EARS2: variants seen among roughly 807,000 people sequenced by gnomAD.
The protein encoded by EARS2 is glutamyl-tRNA synthetase 2, mitochondrial, also known as nondiscriminating glutamyl-tRNA synthetase EARS2, mitochondrial.
EARS2 carries 50 observed loss-of-function variants against 54.1 expected under a neutral mutation model. That is an observed-to-expected ratio of 0.92 (90% CI 0.74 to 1.17). The LOEUF (loss-of-function observed/expected upper bound fraction) is 1.17. Ranked by LOEUF, EARS2 falls within the 50% of genes most tolerant of loss-of-function variation. The pLI is 0.00. For missense variants in EARS2, 673 were observed against 675.0 expected (o/e 1.00, Z 0.03); for synonymous variants, 298 against 281.0 (o/e 1.06, Z -0.61).
In EARS2 at chr16:23,524,427, A is replaced by G. The variant is rs935282470; in HGVS notation, c.1516T>C (p.Leu506=). The change falls in exon 9 of 9, where the codon TTG becomes CTG. Residue 506 remains leucine, a synonymous_variant. Coordinates refer to ENST00000449606, the MANE Select transcript of EARS2 (RefSeq NM_001083614.2). The part of the protein sequence containing the change: ...QQGPPVAEMM[L]ALGPKEVRER... ...CGTACTTCCTTTGGTCCCAAGGCCA[A>G]CATCATCTCAGCTACAGGAGGTCCT... The G allele has an allele frequency of 2.5e-6, 4 of 1,614,062 alleles. No homozygotes were observed. The highest frequency in any genetic ancestry group is 3.4e-6 in the Non-Finnish European group (4 of 1,180,022).
chr16:23,535,074 G>A lies in EARS2; in HGVS notation c.772C>T (p.Leu258=). ...SEWLVSTAKH[L]LLYQALGWQP... is the part of the protein sequence containing the mutation. The stretch of plus-strand genomic sequence containing the variant: ...CAGCCCAGGGCCTGGTAGAGGAGCA[G>A]GTGCTTGGCAGTGGAGACGAGCCAC... Residue 258 remains leucine, a synonymous_variant, in exon 4 of 9, where the codon CTG becomes TTG. Coordinates refer to ENST00000449606, the MANE Select transcript of EARS2 (RefSeq NM_001083614.2). The A allele has an allele frequency of 1.2e-6, 2 of 1,604,778 alleles. No individual in the cohort carries two copies. Among genetic ancestry groups the A allele is most frequent in the Non-Finnish European group, 1.7e-6 (2 of 1,176,466 alleles).
rs745418385 is a variant in EARS2 at position 23,542,316 on chromosome 16, C to CTTTTTTTTTTTTTT, written c.485+2184_485+2197dup. Among the ~76,000 whole-genome samples, 100 of 93,676 alleles carry CTTTTTTTTTTTTTT rather than the reference C, an allele frequency of 1.1e-3. 1 individual carries two copies. Among genetic ancestry groups the CTTTTTTTTTTTTTT allele is most frequent in the Non-Finnish European group, 1.5e-3 (75 of 50,982 alleles). 61.5% of individuals were successfully genotyped at this position (93,676 alleles called of 152,430 possible). ...GGCCCTTTGTGGACCTTTCATTTTTCTTTTTTTTTTTTTTTTTTTTTGAGA... is the reference window on the plus strand; with the variant it reads ...GGCCCTTTGTGGACCTTTCATTTTTCTTTTTTTTTTTTTTTTTTTTTTTTTTTTTTTTTTTGAGA... On this transcript the variant is annotated intron_variant, in intron 3 of 8. Coordinates refer to ENST00000449606, the MANE Select transcript of EARS2 (RefSeq NM_001083614.2).
chr16:23,534,088 G>A (rs1352164303), intron 4 of EARS2, among the ~76,000 whole-genome samples: 2 of 151,932 alleles, frequency 1.3e-5, no homozygotes, highest in South Asian at 2.1e-4. Context: ...CCGTAGTGCT[G>A]GGAGCTGCTT....
At chr16:23,549,916 C>T (rs142476431) in intron 2 of EARS2, among the ~76,000 whole-genome samples, 3 of 152,306 alleles carry the variant, frequency 2.0e-5, no homozygotes, top group East Asian at 1.9e-4. Flanking sequence ...CAGGTCACCA[C>T]GGGGCTGGCT....
rs774849802 is a variant in EARS2, at chr16:23,552,197, C to T, written c.247G>A (p.Val83Ile). 28 of 1,614,172 alleles carry T rather than the reference C, an allele frequency of 1.7e-5. No homozygotes were observed. The highest frequency in any genetic ancestry group is 1.1e-4 in the South Asian group (10 of 91,078). ...ATATTCTCCGCTGCCCCAGGCACAA[C>T]GCGAGTCTGATCTGTGTCCTCTAGC... Reference protein sequence around the residue: ...LRLEDTDQTRVVPGAAENIED... With the variant: ...LRLEDTDQTRIVPGAAENIED... The change falls in exon 2 of 9, where the codon GTT (valine) becomes ATT (isoleucine). Residue 83 changes from valine (V) to isoleucine (I), a missense_variant. Coordinates refer to ENST00000449606, the MANE Select transcript of EARS2 (RefSeq NM_001083614.2).
Position 23,541,699 on chromosome 16 carries a change from C to CTTTT in EARS2, c.485+2811_485+2814dup, listed in dbSNP as rs375731589. Among the ~76,000 whole-genome samples, 41 of 42,158 alleles carry CTTTT rather than the reference C, an allele frequency of 9.7e-4. No individual in the cohort carries two copies. The Admixed American group carries it at 0.01, about 11-fold the overall frequency. The allele number at this position is 42,158 out of a possible 152,430, so 27.7% of individuals were successfully genotyped here. A position where few individuals can be genotyped will look rare whatever the true frequency, so the allele number is the denominator to read the frequency against. On this transcript the variant is annotated intron_variant, in intron 3 of 8. Coordinates refer to ENST00000449606, the MANE Select transcript of EARS2 (RefSeq NM_001083614.2). ...TTCAATATATATCTTTGTGGATCTTCTTTTTTTTTTTTTTGAGACAGTCTC... is the reference window on the plus strand; with the variant it reads ...TTCAATATATATCTTTGTGGATCTTCTTTTTTTTTTTTTTTTTTGAGACAGTCTC...
chr16:23,547,805 A>C (rs1395243215), intron 2 of EARS2, among the ~76,000 whole-genome samples: 1 of 151,508 alleles, frequency 6.6e-6, no homozygotes, highest in African/African-American at 2.4e-5. Context: ...ATATGTCATT[A>C]TTTTTAAAAG....
chr16:23,554,124 G>A (rs555473429), intron 1 of EARS2, among the ~76,000 whole-genome samples: 11 of 151,898 alleles, frequency 7.2e-5, no homozygotes, highest in South Asian at 6.2e-4. Flanking sequence ...ATCCTCCCAC[G>A]TCAGCCTCCC....
chr16:23,554,642 G>A (rs1365872894), intron 1 of EARS2, among the ~76,000 whole-genome samples: 1 of 152,146 alleles, frequency 6.6e-6, no homozygotes, highest in Non-Finnish European at 1.5e-5. Context: ...GTTACTGCAA[G>A]GACACCAGAA....
At chr16:23,550,387 A>G (rs1057109610) in intron 2 of EARS2, among the ~76,000 whole-genome samples, 3 of 150,852 alleles carry the variant, frequency 2.0e-5, no homozygotes, top group Non-Finnish European at 4.4e-5. Context: ...AAAAAAAGAA[A>G]TAATTAATCC....
chr16:23,540,838 T>G (rs1207716196), intron 3 of EARS2, among the ~76,000 whole-genome samples: 1 of 151,434 alleles, frequency 6.6e-6, no homozygotes, highest in Non-Finnish European at 1.5e-5. Context: ...AAAAGAAAAT[T>G]AAATTAGCCA....
chr16:23,546,943 T>C (rs971328372), intron 2 of EARS2, among the ~76,000 whole-genome samples: 20 of 152,180 alleles, frequency 1.3e-4, no homozygotes, highest in Admixed American at 9.8e-4. Flanking sequence ...TCGGGTAAAT[T>C]TGGGGGGATC....
At chr16:23,539,229 G>A (rs189915340) in intron 3 of EARS2, among the ~76,000 whole-genome samples, 1 of 152,184 alleles carries the variant, frequency 6.6e-6, no homozygotes, top group Non-Finnish European at 1.5e-5. Context: ...AGCTAGTACT[G>A]TTTAAGGCCC....
chr16:23,528,128 C>T (rs557762197), intron 7 of EARS2, among the ~76,000 whole-genome samples: 42 of 152,130 alleles, frequency 2.8e-4, no homozygotes, highest in Non-Finnish European at 5.4e-4. Context: ...ACTGAATCGG[C>T]GGCACCTTGA....
At position 23,524,289 on chromosome 16, in the gene EARS2, C is replaced by A. The variant is rs527418211; in HGVS notation, c.*82G>T. The A allele has an allele frequency of 6.4e-6, 8 of 1,240,750 alleles. No homozygotes were observed. The East Asian group carries it at 1.8e-4, about 29-fold the overall frequency. The allele number at this position is 1,240,750 out of a possible 1,614,324, so 76.9% of individuals were successfully genotyped here. A position where few individuals can be genotyped will look rare whatever the true frequency, so the allele number is the denominator to read the frequency against. On this transcript the variant is annotated 3_prime_UTR_variant, in exon 9 of 9. Coordinates refer to ENST00000449606, the MANE Select transcript of EARS2 (RefSeq NM_001083614.2). The stretch of plus-strand genomic sequence containing the variant: ...CTTCAGCAAACTTCCCGACGGGCCC[C>A]AGGCCTCCTTCTGGTCTCTGAAAGC...
chr16:23,524,489 C>A (rs1325679049), intron 8 of EARS2, 35 bp from the exon 9 acceptor site: 1 of 1,572,980 alleles, frequency 6.4e-7, no homozygotes, highest in Non-Finnish European at 8.8e-7. Flanking sequence ...GCCTTACTAC[C>A]TTAAACAGCC....
intron 5 of EARS2, 100 bp from the exon 6 acceptor site, chr16:23,529,997 A>G: frequency 7.0e-7 from 1 of 1,428,160 alleles, no homozygotes; most frequent in Non-Finnish European, 9.5e-7. Flanking sequence ...ATGACATATC[A>G]GGTCCCATGA....
intron 3 of EARS2, among the ~76,000 whole-genome samples, chr16:23,537,874 C>T (rs1965449288): frequency 6.6e-6 from 1 of 150,956 alleles, no homozygotes; most frequent in African/African-American, 2.4e-5. Flanking sequence ...TCACTGCAGC[C>T]TAGACATTCC....
rs113846422 is a variant in EARS2 at position 23,536,580 on chromosome 16, G to A, written c.486-1220C>T. 3.2e-3 allele frequency among the ~76,000 whole-genome samples: 490 copies of A among 152,126 alleles called. 1 individual carries two copies. Among genetic ancestry groups the A allele is most frequent in the Non-Finnish European group, 5.8e-3 (392 of 67,970 alleles). On this transcript the variant is annotated intron_variant, in intron 3 of 8. Transcript: ENST00000449606. ...GGGAGGCCAAGGTGGAAGAATCACT[G>A]GAGCCCAGGAGGTTGAGGCTGCAGT...
Sources: allele counts gnomAD v4.1 joint callset (sites outside exome capture counted in the v4.1 genomes callset), GRCh38; gene constraint gnomAD v4.1.1; transcripts MANE v1.5; gene names NCBI Gene and HGNC (gene_info 2026-07-23, HGNC 2026-07-21).